Variants in DOCK2 observed in about 807,000 individuals in gnomAD.
DOCK2 encodes the protein dedicator of cytokinesis protein 2.
A neutral mutation model predicts 248.9 loss-of-function variants in DOCK2; 87 were observed. That is an observed-to-expected ratio of 0.35 (90% CI 0.29 to 0.42). The LOEUF (loss-of-function observed/expected upper bound fraction) is 0.42, where lower values mean the gene tolerates loss of function less well. DOCK2 is among the 10% of genes least tolerant of loss of function. DOCK2 has a pLI of 1.00. For missense variants in DOCK2, 1,747 were observed against 2,300.2 expected, an observed-to-expected ratio of 0.76 and a Z score of 4.92; for synonymous variants, 805 against 821.6, an observed-to-expected ratio of 0.98 and a Z score of 0.35.
At chr5:169,652,841 A>G (rs947428231) in intron 1 of DOCK2, among the ~76,000 whole-genome samples, 3 of 152,232 alleles carry the variant, frequency 2.0e-5, no homozygotes, top group African/African-American at 7.2e-5. Context: ...GAATCTGCAC[A>G]GAACCCAGTG....
chr5:169,922,029 A>G (rs1179249075), intron 27 of DOCK2, among the ~76,000 whole-genome samples: 1 of 152,186 alleles, frequency 6.6e-6, no homozygotes, highest in East Asian at 1.9e-4. Flanking sequence ...TTATTTTAAG[A>G]GCTTTTCCAT....
chr5:169,841,310 A>G (rs1769958166), intron 27 of DOCK2: 18 of 992,846 alleles, frequency 1.8e-5, no homozygotes, highest in Non-Finnish European at 2.2e-5. Flanking sequence ...TCATTACTAC[A>G]TATTGAGCTA....
intron 13 of DOCK2, 95 bp downstream of exon 13, chr5:169,700,234 T>C: frequency 3.4e-6 from 5 of 1,485,848 alleles, no homozygotes; most frequent in Non-Finnish European, 4.5e-6. Flanking sequence ...CTCCTTCCTT[T>C]TTTACTGCCT....
intron 34 of DOCK2, among the ~76,000 whole-genome samples, chr5:170,028,220 C>T (rs978991385): frequency 9.2e-5 from 14 of 152,180 alleles, no homozygotes; most frequent in Non-Finnish European, 1.9e-4. Flanking sequence ...ACTTTCATTA[C>T]TTCTTAACTG....
At chr5:170,014,637 T>G (rs4867911) in intron 32 of DOCK2, among the ~76,000 whole-genome samples, 2,608 of 19,704 alleles carry the variant, frequency 0.13, 56 homozygotes, top group Middle Eastern at 0.37. Context: ...AGACATGTGT[T>G]GGGGGGGGTA....
intron 1 of DOCK2, among the ~76,000 whole-genome samples, chr5:169,647,168 T>C (rs1412759611): frequency 1.3e-5 from 2 of 152,240 alleles, no homozygotes; most frequent in African/African-American, 4.8e-5. Context: ...TGGGCACCTC[T>C]GTAGAATGCA....
intron 38 of DOCK2, among the ~76,000 whole-genome samples, chr5:170,043,196 T>C (rs1056141873): frequency 1.3e-5 from 2 of 152,202 alleles, no homozygotes; most frequent in African/African-American, 4.8e-5. Context: ...AGATGGCCCA[T>C]CTGCAATCCT....
intron 25 of DOCK2, among the ~76,000 whole-genome samples, chr5:169,798,839 G>C (rs973266099): frequency 6.6e-6 from 1 of 152,206 alleles, no homozygotes; most frequent in Non-Finnish European, 1.5e-5. Flanking sequence ...CCTTTACATA[G>C]TTCCTTCCTG....
At chr5:169,838,384 T>A (rs949209797) in intron 26 of DOCK2, among the ~76,000 whole-genome samples, 1 of 151,910 alleles carries the variant, frequency 6.6e-6, no homozygotes, top group African/African-American at 2.4e-5. Context: ...ATGGAGAGAG[T>A]AATGTTGCTC....
chr5:169,770,645 G>A (rs1765031669), intron 25 of DOCK2, among the ~76,000 whole-genome samples: 1 of 152,068 alleles, frequency 6.6e-6, no homozygotes, highest in Non-Finnish European at 1.5e-5. Flanking sequence ...TTTTCATGCA[G>A]TTGTATTGCA....
intron 27 of DOCK2, among the ~76,000 whole-genome samples, chr5:169,863,656 C>T (rs939257450): frequency 4.6e-5 from 7 of 152,192 alleles, no homozygotes; most frequent in Non-Finnish European, 1.0e-4. Flanking sequence ...AAGGTGCATG[C>T]ACCATGAGAT....
chr5:169,816,551 T>G (rs1581233391), intron 26 of DOCK2, among the ~76,000 whole-genome samples: 1 of 152,340 alleles, frequency 6.6e-6, no homozygotes, highest in South Asian at 2.1e-4. Flanking sequence ...TCCAACTGTT[T>G]TCTGCCTGCA....
chr5:169,719,577 A>T (rs957581269), intron 22 of DOCK2, among the ~76,000 whole-genome samples: 3 of 152,202 alleles, frequency 2.0e-5, no homozygotes, highest in Admixed American at 2.0e-4. Context: ...GGCCTCAGGC[A>T]TGGCTGAGTC....
chr5:169,825,451 T>A (rs1265699665), intron 26 of DOCK2, among the ~76,000 whole-genome samples: 1 of 150,832 alleles, frequency 6.6e-6, no homozygotes, highest in Non-Finnish European at 1.5e-5. Context: ...TAGAAAATGA[T>A]GAGTTCATGT....
chr5:169,657,399 A>G (rs1445075499), intron 2 of DOCK2, among the ~76,000 whole-genome samples: 1 of 152,228 alleles, frequency 6.6e-6, no homozygotes, highest in African/African-American at 2.4e-5. Context: ...TACCCGTGAA[A>G]CCTTCTTACA....
At chr5:169,943,062 C>A (rs967743606) in intron 27 of DOCK2, among the ~76,000 whole-genome samples, 2 of 152,058 alleles carry the variant, frequency 1.3e-5, no homozygotes, top group East Asian at 1.9e-4. Flanking sequence ...GCTGGAGGAA[C>A]CTGCAGGTCT....
intron 27 of DOCK2, among the ~76,000 whole-genome samples, chr5:169,860,509 C>T (rs1458880710): frequency 1.3e-5 from 2 of 152,142 alleles, no homozygotes; most frequent in African/African-American, 4.8e-5. Flanking sequence ...AAGCAACTTG[C>T]TCAAGTTTAT....
At chr5:169,965,341 C>T (rs904764603) in intron 27 of DOCK2, among the ~76,000 whole-genome samples, 1 of 152,194 alleles carries the variant, frequency 6.6e-6, no homozygotes, top group Admixed American at 6.5e-5. Flanking sequence ...TGCTGCTGGT[C>T]CACAGGCCAC....
chr5:169,702,641 T>G, intron 14 of DOCK2: 2 of 457,900 alleles, frequency 4.4e-6, no homozygotes, highest in Non-Finnish European at 7.4e-6. Flanking sequence ...AGTTTTTCAA[T>G]GTCTGTTCCT....
Sources: allele counts gnomAD v4.1 joint callset (sites outside exome capture counted in the v4.1 genomes callset), GRCh38; gene constraint gnomAD v4.1.1; transcripts MANE v1.5; gene names NCBI Gene and HGNC (gene_info 2026-07-23, HGNC 2026-07-21).